Variants in CBLN2 observed in about 807,000 individuals in gnomAD.
The protein encoded by CBLN2 is cerebellin 2 precursor.
CBLN2 carries 7 observed loss-of-function variants against 15.0 expected under a neutral mutation model. The ratio of observed to expected loss-of-function variants is 0.47; its 90% CI spans 0.27 to 0.88. The LOEUF is 0.88. Ranked by LOEUF, CBLN2 falls within the 40% of genes least tolerant of loss-of-function variation. The pLI is 0.14. For missense variants in CBLN2, 242 were observed against 304.5 expected, an observed-to-expected ratio of 0.79 and a Z score of 1.53; for synonymous variants, 149 against 135.2, an observed-to-expected ratio of 1.10 and a Z score of -0.71.
At chr18:72,560,277 G>C (rs367948269) in intron 1 of CBLN2, among the ~76,000 whole-genome samples, 1 of 152,188 alleles carries the variant, frequency 6.6e-6, no homozygotes, top group Non-Finnish European at 1.5e-5. Context: ...ATCTGTGCAC[G>C]TAGGAAAATA....
At chr18:72,599,405 T>C (rs139851559) in intron 1 of CBLN2, among the ~76,000 whole-genome samples, 3 of 152,210 alleles carry the variant, frequency 2.0e-5, no homozygotes, top group South Asian at 4.1e-4. Context: ...ATTTTACTAA[T>C]GCAAAGGACT....
At chr18:72,603,242 C>T (rs920265172) in intron 1 of CBLN2, among the ~76,000 whole-genome samples, 1 of 152,240 alleles carries the variant, frequency 6.6e-6, no homozygotes, top group African/African-American at 2.4e-5. Context: ...TCATTTAAAT[C>T]TCCAATATCC....
intron 1 of CBLN2, among the ~76,000 whole-genome samples, chr18:72,584,770 A>G (rs2144922701): frequency 6.6e-6 from 1 of 152,340 alleles, no homozygotes; most frequent in South Asian, 2.1e-4. Context: ...TAAACCTTAA[A>G]GTGTCACAGG....
At chr18:72,565,472 A>G (rs1384646340) in intron 1 of CBLN2, among the ~76,000 whole-genome samples, 1 of 152,172 alleles carries the variant, frequency 6.6e-6, no homozygotes, top group African/African-American at 2.4e-5. Context: ...TGAGGAACAT[A>G]TAACATAAAA....
chr18:72,562,090 C>G (rs639932), intron 1 of CBLN2, among the ~76,000 whole-genome samples: 25,341 of 152,110 alleles, frequency 0.17, 2,348 homozygotes, highest in Admixed American at 0.29. Context: ...CTTTAGGGAG[C>G]AGTAAGCCAT....
At chr18:72,544,798 A>G (rs889243619), upstream of CBLN2, among the ~76,000 whole-genome samples, 18 of 152,148 alleles carry the variant, frequency 1.2e-4, no homozygotes, top group African/African-American at 4.3e-4. Context: ...CGGTGAGGTT[A>G]TCATCGGTTA....
chr18:72,561,977 T>A (rs1371891970), intron 1 of CBLN2, among the ~76,000 whole-genome samples: 3 of 152,208 alleles, frequency 2.0e-5, no homozygotes, highest in African/African-American at 7.2e-5. Flanking sequence ...TTTAACAGAA[T>A]CATTGCTAGG....
rs2069065717 is a variant in CBLN2 at position 72,536,746 on chromosome 18, A to G, written c.*1430T>C. The G allele has an allele frequency of 6.6e-6, 1 of 152,632 alleles. No homozygotes were observed. The highest frequency in any genetic ancestry group is 2.4e-5 in the African/African-American group (1 of 41,446). The allele number at this position is 152,632 out of a possible 1,614,324, so 9.5% of individuals were successfully genotyped here. A position where few individuals can be genotyped will look rare whatever the true frequency, so the allele number is the denominator to read the frequency against. On this transcript the variant is annotated 3_prime_UTR_variant, in exon 5 of 5. Transcript: ENST00000269503. ...CTTTTATCATCAATATTTTGGTTAC[A>G]TTGTTACACAAAGAACAAATTAACA...
At chr18:72,609,435 A>T (rs754507093) in intron 1 of CBLN2, among the ~76,000 whole-genome samples, 12 of 152,084 alleles carry the variant, frequency 7.9e-5, no homozygotes, top group Non-Finnish European at 1.5e-4. Flanking sequence ...GAAGATGGCC[A>T]TTCACCAGCC....
At chr18:72,574,467 G>A (rs1296976448) in intron 1 of CBLN2, among the ~76,000 whole-genome samples, 2 of 152,114 alleles carry the variant, frequency 1.3e-5, no homozygotes, top group African/African-American at 4.8e-5. Context: ...GGGGGCTGTG[G>A]CCGAGAACAA....
At position 72,638,324 on chromosome 18, in the gene CBLN2, C is replaced by G. The variant is rs752164762; in HGVS notation, c.15+1G>C. ...GTCTAGCCTAAAGTTTTAACACGTA[C>G]CTTGTCCCAATCCATTCCAGTACTC... On this transcript the variant is annotated splice_donor_variant, in intron 1 of 2. Coordinates refer to the CBLN2 transcript ENST00000581073. LOFTEE classifies it high-confidence loss of function. The G allele has an allele frequency of 7.8e-5, 31 of 398,460 alleles. No individual in the cohort carries two copies. The highest frequency in any genetic ancestry group is 1.1e-4 in the Non-Finnish European group (24 of 226,062). The allele number at this position is 398,460 out of a possible 1,614,324, so 24.7% of individuals were successfully genotyped here. A position where few individuals can be genotyped will look rare whatever the true frequency, so the allele number is the denominator to read the frequency against.
rs193039796 is a variant in CBLN2, at chr18:72,544,104, T to A, written c.-339A>T. The A allele has an allele frequency of 4.2e-4, 64 of 150,840 alleles. No homozygotes were observed. Among genetic ancestry groups the A allele is most frequent in the African/African-American group, 1.3e-3 (55 of 40,934 alleles). The allele number at this position is 150,840 out of a possible 1,614,324, so 9.3% of individuals were successfully genotyped here. A position where few individuals can be genotyped will look rare whatever the true frequency, so the allele number is the denominator to read the frequency against. On this transcript the variant is annotated 5_prime_UTR_variant, in exon 1 of 5. Coordinates refer to ENST00000269503, the MANE Select transcript of CBLN2 (RefSeq NM_182511.4). ...CCCAATTCCCTCCAAGTCTTAATAT[T>A]GAATGGCGTGACCACTTTCATAATG...
chr18:72,603,195 C>A (rs2144945064), intron 1 of CBLN2, among the ~76,000 whole-genome samples: 1 of 152,360 alleles, frequency 6.6e-6, no homozygotes, highest in Middle Eastern at 3.4e-3. Flanking sequence ...CTAGTAACAT[C>A]TTTTACAACG....
chr18:72,555,068 G>A lies in CBLN2; in HGVS notation c.16-16296C>T, dbSNP rs550551681. 3.3e-5 allele frequency among the ~76,000 whole-genome samples: 5 copies of A among 152,032 alleles called. No homozygotes were observed. In the South Asian group the frequency reaches 1.0e-3, roughly 32 times the overall value. On this transcript the variant is annotated intron_variant, in intron 1 of 2. Coordinates refer to the CBLN2 transcript ENST00000581073. ...GAGAATCACTTGAACCCAGGAGGTGGAGGTTGCAGTGAGCCGAGATCATGC... is the reference window on the plus strand; with the variant it reads ...GAGAATCACTTGAACCCAGGAGGTGAAGGTTGCAGTGAGCCGAGATCATGC...
intron 1 of CBLN2, among the ~76,000 whole-genome samples, chr18:72,566,979 C>G (rs1399356874): frequency 6.6e-6 from 1 of 152,066 alleles, no homozygotes; most frequent in Non-Finnish European, 1.5e-5. Flanking sequence ...GCTTGCCACC[C>G]TGCCCCGCTA....
chr18:72,609,314 T>C (rs934825404), intron 1 of CBLN2, among the ~76,000 whole-genome samples: 8 of 152,032 alleles, frequency 5.3e-5, no homozygotes, highest in Non-Finnish European at 7.4e-5. Context: ...AAAGATATAA[T>C]TGTGGTAAAA....
At chr18:72,563,918 C>T (rs970710963) in intron 1 of CBLN2, among the ~76,000 whole-genome samples, 9 of 152,226 alleles carry the variant, frequency 5.9e-5, no homozygotes, top group African/African-American at 2.2e-4. Context: ...CTGAGGCACT[C>T]ACAGGCATTT....
intron 1 of CBLN2, among the ~76,000 whole-genome samples, chr18:72,617,418 A>G (rs1209016509): frequency 6.6e-6 from 1 of 152,186 alleles, no homozygotes; most frequent in African/African-American, 2.4e-5. Context: ...ATTCTGACAA[A>G]CTTTATTTAA....
rs565777520 is a variant in CBLN2 at position 72,625,546 on chromosome 18, C to T, written c.15+12779G>A. Among the ~76,000 whole-genome samples, 6 of 151,484 alleles carry T rather than the reference C, an allele frequency of 4.0e-5. No homozygotes were observed. The East Asian group carries it at 1.2e-3, about 29-fold the overall frequency. On this transcript the variant is annotated intron_variant, in intron 1 of 2. Coordinates refer to the CBLN2 transcript ENST00000581073. ...TTGTATCAGTTGCACCAACACAATG[C>T]ATGATACACCATAGCAACTATTTGT...
Sources: allele counts gnomAD v4.1 joint callset (sites outside exome capture counted in the v4.1 genomes callset), GRCh38; gene constraint gnomAD v4.1.1; transcripts MANE v1.5; gene names NCBI Gene and HGNC (gene_info 2026-07-23, HGNC 2026-07-21).